The following TTN variants were observed in gnomAD, a reference collection of about 807,000 sequenced individuals.
TTN encodes titin.
Under a neutral mutation model 3,223.0 loss-of-function variants are expected in TTN, and 1,525 were observed. The observed-to-expected ratio is 0.47, with a 90% CI of 0.45 to 0.49. The LOEUF (loss-of-function observed/expected upper bound fraction) is 0.49. TTN is among the 20% of genes least tolerant of loss of function. The pLI is 0.00. For missense variants in TTN, 40,786 were observed against 43,424.0 expected, an observed-to-expected ratio of 0.94 and a Z score of 5.40; for synonymous variants, 14,094 against 15,161.0, an observed-to-expected ratio of 0.93 and a Z score of 5.17.
chr2:178,606,538 T>C (rs2054870113), intron 278 of TTN, among the ~76,000 whole-genome samples: 1 of 151,946 alleles, frequency 6.6e-6, no homozygotes, highest in Admixed American at 6.6e-5. Context: ...CTCTGGTTGG[T>C]TTTCTATTCT....
intron 47 of TTN, chr2:178,749,818 T>C (rs1429260051): frequency 6.2e-7 from 1 of 1,613,170 alleles, no homozygotes; most frequent in Non-Finnish European, 8.5e-7. Flanking sequence ...GGACTCCATT[T>C]TGAAACCATG....
rs1306769660 is a variant in TTN, at chr2:178,549,166, G to A, written c.92460C>T (p.Asn30820=). ...TGACCACTGTGGGAGGACCTGGTGG[G>A]TTGACGGGCTCTCTACATTTAATGA... ...SRLIKCREPV[N]PPGPPTVVKV... Residue 30820 remains asparagine, a synonymous_variant, in exon 339 of 363, where the codon AAC becomes AAT. Transcript: ENST00000589042. The A allele has an allele frequency of 1.5e-5, 25 of 1,613,640 alleles. No homozygotes were observed. The highest frequency in any genetic ancestry group is 1.9e-5 in the Non-Finnish European group (22 of 1,179,812).
chr2:178,569,694 G>A lies in TTN; in HGVS notation c.76438C>T (p.Arg25480Cys), dbSNP rs766977350. Residue 25480 changes from arginine to cysteine, a missense_variant, in exon 326 of 363, where the codon CGT (arginine) becomes TGT (cysteine). Arg to Cys is a radical substitution (Grantham distance 180). Coordinates refer to ENST00000589042, the MANE Select transcript of TTN (RefSeq NM_001267550.2). The part of the protein sequence containing the change: ...KLLEKHEYNF[R>C]ICAINKAGVG... ...CCAGCTTTATTAATAGCACAGATACGGAAGTTGTATTCATGCTTTTCCAAC... is the reference window on the plus strand; with the variant it reads ...CCAGCTTTATTAATAGCACAGATACAGAAGTTGTATTCATGCTTTTCCAAC... 17 of 1,612,918 alleles carry A rather than the reference G, an allele frequency of 1.1e-5. No individual in the cohort carries two copies. The highest frequency in any genetic ancestry group is 1.7e-5 in the Admixed American group (1 of 59,922).
chr2:178,618,774 A>G lies in TTN; in HGVS notation c.46776T>C (p.Asp15592=). The change falls in exon 251 of 363, where the codon GAT becomes GAC. Residue 15592 remains aspartate (D), a synonymous_variant. Transcript: ENST00000589042. ...GKPLTMVVPY[D]AYPKAEAEWF... ...ATTCAGCTTCTGCTTTGGGGTAGGC[A>G]TCATATGGCACCACCATTGTCAGAG... 6.2e-7 allele frequency: 1 copy of G among 1,611,498 alleles called. No individual in the cohort carries two copies. Among genetic ancestry groups the G allele is most frequent in the Admixed American group, 1.7e-5 (1 of 59,804 alleles).
intron 80 of TTN, 46 bp downstream of exon 80, chr2:178,720,339 C>G (rs765819159): frequency 3.1e-6 from 5 of 1,591,330 alleles, no homozygotes; most frequent in South Asian, 1.1e-5. Flanking sequence ...TAGGCAAGAA[C>G]AGATAGGAGG....
chr2:178,649,169 G>T, intron 213 of TTN, 79 bp downstream of exon 213: 4 of 1,055,412 alleles, frequency 3.8e-6, no homozygotes, highest in Admixed American at 3.5e-5. Context: ...TTCACATTCA[G>T]TATGTTTTTC....
chr2:178,548,287 C>A lies in TTN; in HGVS notation c.93339G>T (p.Gln31113His). The change falls in exon 339 of 363, where the codon CAG (glutamine) becomes CAT (histidine). Residue 31113 changes from glutamine to histidine, a missense_variant. Transcript: ENST00000589042. The surrounding 1 kb of genome is among the most constrained non-coding windows in gnomAD (Gnocchi z 4.3). ...CATCAAGTCTCCTAGGTGGAGCAGG[C>A]TGTTCTGTGGCTACAATTGGTTCTG... Reference protein sequence around the residue: ...EMPEPIVATEQPAPPRRLDVV... With the variant: ...EMPEPIVATEHPAPPRRLDVV... 1 of 1,613,878 alleles carries A rather than the reference C, an allele frequency of 6.2e-7. No homozygotes were observed. Among genetic ancestry groups the A allele is most frequent in the South Asian group, 1.1e-5 (1 of 91,074 alleles).
At chr2:178,651,409 G>T (rs772503692) in intron 207 of TTN, 44 bp downstream of exon 207, 1 of 1,601,304 alleles carries the variant, frequency 6.2e-7, no homozygotes, top group Non-Finnish European at 8.5e-7. Flanking sequence ...TTAGAAGCTG[G>T]GGGCTCCATC....
chr2:178,606,724 A>G (rs1000860624), intron 278 of TTN, among the ~76,000 whole-genome samples: 3 of 151,956 alleles, frequency 2.0e-5, no homozygotes, highest in South Asian at 2.1e-4. Flanking sequence ...AATGTGTTCT[A>G]CTGGAGAGAT....
intron 150 of TTN, 41 bp downstream of exon 150, chr2:178,674,998 A>C (rs2067724764): frequency 8.0e-7 from 1 of 1,246,316 alleles, no homozygotes; most frequent in Non-Finnish European, 1.1e-6. Flanking sequence ...TAATAAGACA[A>C]GGATGACTTT....
chr2:178,639,987 C>G, intron 222 of TTN, 61 bp downstream of exon 222: 3 of 1,574,716 alleles, frequency 1.9e-6, no homozygotes, highest in South Asian at 1.1e-5. Context: ...TTATTAAGTA[C>G]ATGTTATGTG....
At chr2:178,755,658 G>A (rs2086721903) in intron 46 of TTN, among the ~76,000 whole-genome samples, 1 of 152,220 alleles carries the variant, frequency 6.6e-6, no homozygotes, top group South Asian at 2.1e-4. Flanking sequence ...TAGCCAGGCT[G>A]GTCTCAAACT....
In TTN at chr2:178,720,437, T is replaced by C. The variant is rs1232018476; in HGVS notation, c.23325A>G (p.Lys7775=). 5 of 1,613,608 alleles carry C rather than the reference T, an allele frequency of 3.1e-6. No homozygotes were observed. Among genetic ancestry groups the C allele is most frequent in the Admixed American group, 1.7e-5 (1 of 59,990 alleles). The change falls in exon 80 of 363, where the codon AAA becomes AAG. Residue 7775 remains lysine (K), a synonymous_variant. Transcript: ENST00000589042. ...EASDVGEYHC[K]ATNEVGSDTC... is the part of the protein sequence containing the mutation. ...TGTCACTTCCCACCTCATTAGTAGC[T>C]TTGCAGTGATATTCCCCGACATCGG...
Position 178,565,248 on chromosome 2 carries a change from T to C in TTN, c.80884A>G (p.Thr26962Ala). Residue 26962 changes from threonine (T) to alanine (A), a missense_variant, in exon 326 of 363, where the codon ACA (threonine) becomes GCA (alanine). Coordinates refer to ENST00000589042, the MANE Select transcript of TTN (RefSeq NM_001267550.2). ...AAAACGATAACACTGAGATTTTCTGTTGCTGTGCCTGCACTATTTGTTGCC... is the reference window on the plus strand; with the variant it reads ...AAAACGATAACACTGAGATTTTCTGCTGCTGTGCCTGCACTATTTGTTGCC... ...VTATNSAGTA[T>A]ENLSVIVLEK... 1.2e-6 allele frequency: 2 copies of C among 1,613,642 alleles called. No homozygotes were observed. Among genetic ancestry groups the C allele is most frequent in the Non-Finnish European group, 1.7e-6 (2 of 1,179,698 alleles).
At position 178,579,978 on chromosome 2, in the gene TTN, C is replaced by G. The variant is rs794727434; in HGVS notation, c.67309G>C (p.Gly22437Arg). ...GCATCACGAGTTTCACCGGGATCAC[C>G]AATGCCATACTCATTTTCAGCAAAC... is the stretch of plus-strand genomic sequence containing the variant. ...RVFAENEYGI[G>R]DPGETRDAVK... Residue 22437 changes from glycine to arginine, a missense_variant, in exon 318 of 363, where the codon GGT becomes CGT. Gly to Arg is a moderately radical substitution (Grantham distance 125). Coordinates refer to ENST00000589042, the MANE Select transcript of TTN (RefSeq NM_001267550.2). The G allele has an allele frequency of 6.2e-7, 1 of 1,613,224 alleles. No homozygotes were observed.
chr2:178,693,258 T>G (rs1308928248), intron 119 of TTN, among the ~76,000 whole-genome samples: 1 of 152,178 alleles, frequency 6.6e-6, no homozygotes, highest in Non-Finnish European at 1.5e-5. Flanking sequence ...CATAATCTAA[T>G]TTTTAATAAT....
Position 178,572,105 on chromosome 2 carries a change from A to G in TTN, c.74027T>C (p.Ile24676Thr), listed in dbSNP as rs778879302. ...CATVKVTEAT[I>T]TGLIQGEEYS... ...TTCTTCACCCTGAATTAATCCAGTG[A>G]TAGTGGCTTCAGTGACCTTGACTGT... The change falls in exon 326 of 363, where the codon ATC becomes ACC. Residue 24676 changes from isoleucine to threonine, a missense_variant. By Grantham distance (89) the Ile-to-Thr change is moderately conservative. Transcript: ENST00000589042. 1 of 1,613,084 alleles carries G rather than the reference A, an allele frequency of 6.2e-7. No homozygotes were observed. The highest frequency in any genetic ancestry group is 1.3e-5 in the African/African-American group (1 of 74,884).
At position 178,604,824 on chromosome 2, in the gene TTN, G is replaced by A; in HGVS notation, c.54265C>T (p.Pro18089Ser). 1 of 1,612,256 alleles carries A rather than the reference G, an allele frequency of 6.2e-7. No homozygotes were observed. Among genetic ancestry groups the A allele is most frequent in the South Asian group, 1.1e-5 (1 of 90,960 alleles). The change falls in exon 281 of 363, where the codon CCT becomes TCT. Residue 18089 changes from proline to serine, a missense_variant. Pro to Ser is a moderately conservative substitution (Grantham distance 74). Coordinates refer to ENST00000589042, the MANE Select transcript of TTN (RefSeq NM_001267550.2). ...AESCYLTWDA[P>S]LDNGGSEITH... ...ATTTCACTGCCACCATTATCAAGAG[G>A]GGCATCCCATGTCAAGTAGCAAGAT... is the stretch of plus-strand genomic sequence containing the variant.
intron 115 of TTN, 107 bp from the exon 116 acceptor site, chr2:178,695,013 T>C (rs902021150): frequency 7.7e-6 from 6 of 780,764 alleles, no homozygotes; most frequent in Non-Finnish European, 1.2e-5. Flanking sequence ...CACCTATAAG[T>C]GTATATGCAG....
Sources: gnomAD v4.1 joint callset for allele counts (sites outside exome capture counted in the v4.1 genomes callset) on GRCh38, gnomAD v4.1.1 for gene constraint, Gnocchi (gnomAD v3.1) non-coding constraint, MANE v1.5 for transcripts, NCBI Gene and HGNC (gene_info 2026-07-23, HGNC 2026-07-21) for gene names.